NECAB3: variants seen among roughly 807,000 people sequenced by gnomAD.
NECAB3 encodes the protein N-terminal EF-hand calcium binding protein 3.
NECAB3 carries 38 observed loss-of-function variants against 57.2 expected under a neutral mutation model. The observed-to-expected ratio is 0.66, with a 90% CI of 0.51 to 0.87. The LOEUF is 0.87. NECAB3 is among the 40% of genes least tolerant of loss of function. The probability of loss-of-function intolerance (pLI) is 0.00; values close to 1 mark genes in which losing one functional copy is unlikely to be tolerated. For missense variants in NECAB3, 474 were observed against 527.5 expected (o/e 0.90, Z 0.99); for synonymous variants, 223 against 222.6 (o/e 1.00, Z -0.02).
At chr20:33,666,340 A>C (rs2017651860) in intron 5 of NECAB3, among the ~76,000 whole-genome samples, 1 of 152,236 alleles carries the variant, frequency 6.6e-6, no homozygotes, top group South Asian at 2.1e-4. Flanking sequence ...CCTGGATGCC[A>C]AAATCACTGC....
Position 33,660,367 on chromosome 20 carries a change from T to A in NECAB3, c.416A>T (p.Gln139Leu). The A allele has an allele frequency of 6.2e-7, 1 of 1,613,690 alleles. No homozygotes were observed. Among genetic ancestry groups the A allele is most frequent in the Non-Finnish European group, 8.5e-7 (1 of 1,179,976 alleles). Residue 139 changes from glutamine to leucine, a missense_variant, in exon 6 of 12, where the codon CAG (glutamine) becomes CTG (leucine). Transcript: ENST00000246190. This position sits in a 1 kb window ranked among gnomAD's most constrained non-coding sequence, Gnocchi z 4.1. Reference protein sequence around the residue: ...LEYERASKVDQFVTRFLLRET... With the variant: ...LEYERASKVDLFVTRFLLRET... ...CCGCAGCAGGAAGCGCGTCACAAAC[T>A]GGTCCACTTTGGAGGCCCTCTCGTA...
rs1289574420 is a variant in NECAB3 at position 33,669,685 on chromosome 20, A to C, written c.289+2T>G. On this transcript the variant is annotated splice_donor_variant, in intron 4 of 11. Transcript: ENST00000246190. LOFTEE classifies it high-confidence loss of function. Reference sequence around the variant, plus strand: ...GAAAAGAGCTCCCATGGGCCTACTCACCACACAGTTTTTCTGTTTCTAAAT... The same window carrying C: ...GAAAAGAGCTCCCATGGGCCTACTCCCCACACAGTTTTTCTGTTTCTAAAT... 2 of 1,595,600 alleles carry C rather than the reference A, an allele frequency of 1.3e-6. No individual in the cohort carries two copies. The highest frequency in any genetic ancestry group is 1.3e-5 in the African/African-American group (1 of 74,544).
upstream of NECAB3, chr20:33,674,457 C>T: frequency 5.2e-6 from 5 of 959,854 alleles, no homozygotes; most frequent in Non-Finnish European, 6.3e-6. Flanking sequence ...CGCCGACGCG[C>T]GGGCTCAGGC....
chr20:33,662,191 C>A, intron 5 of NECAB3: 1 of 972,238 alleles, frequency 1.0e-6, no homozygotes, highest in Non-Finnish European at 1.5e-6. Flanking sequence ...CTAGAAGTGA[C>A]TGAGTGGAGC....
chr20:33,674,513 A>G, upstream of NECAB3: 1 of 640,628 alleles, frequency 1.6e-6, no homozygotes, highest in Non-Finnish European at 2.0e-6. Context: ...CCTCGCCTCA[A>G]GGTCCAACTC....
intron 5 of NECAB3, chr20:33,663,630 G>A (rs778841612): frequency 1.3e-5 from 21 of 1,608,384 alleles, no homozygotes; most frequent in Admixed American, 5.0e-5. Context: ...TGGGCTCCCC[G>A]GCGGCACCCA....
At chr20:33,664,981 G>T (rs998682340) in intron 5 of NECAB3, 3 of 152,230 alleles carry the variant, frequency 2.0e-5, no homozygotes, top group Admixed American at 1.3e-4. Context: ...CCTGCTAATT[G>T]TGAGAACTGA....
In NECAB3 at chr20:33,657,949, G is replaced by A; in HGVS notation, c.1155C>T (p.Phe385=). 6.4e-7 allele frequency: 1 copy of A among 1,556,798 alleles called. No individual in the cohort carries two copies. ...TGGGGGTCCACCGCATACCTGGGAA[G>A]AACACAGTGGTGAGGGTGTCCGGGG... ...LRAPDTLTTV[F]FPASWWIMNN... The change falls in exon 11 of 12, where the codon TTC becomes TTT. Residue 385 remains phenylalanine (F), a synonymous_variant. Transcript: ENST00000246190.
chr20:33,669,919 C>A (rs924410496), intron 3 of NECAB3, among the ~76,000 whole-genome samples: 2 of 152,168 alleles, frequency 1.3e-5, no homozygotes, highest in Non-Finnish European at 2.9e-5. Context: ...ACTCTAAGGG[C>A]AAAGATTCAG....
rs915519687 is a variant in NECAB3, at chr20:33,663,348, G to T, written c.388-2953C>A. ...TCCGGGGCGCCACGCAGGGAAGGGCGGGCTTCCCCGCGGCCTGAATTGGAC... is the reference window on the plus strand; with the variant it reads ...TCCGGGGCGCCACGCAGGGAAGGGCTGGCTTCCCCGCGGCCTGAATTGGAC... On this transcript the variant is annotated intron_variant, in intron 5 of 11. Coordinates refer to ENST00000246190, the MANE Select transcript of NECAB3 (RefSeq NM_031232.4). The T allele has an allele frequency of 6.5e-6, 4 of 612,756 alleles. No individual in the cohort carries two copies. The East Asian group carries it at 1.3e-4, about 20-fold the overall frequency. 38.0% of individuals were successfully genotyped at this position (612,756 alleles called of 1,614,324 possible).
rs2017804668 is a variant in NECAB3 at position 33,670,392 on chromosome 20, G to T, written c.263+292C>A. 8.2e-6 allele frequency: 3 copies of T among 366,832 alleles called. No individual in the cohort carries two copies. The South Asian group carries it at 1.5e-4, about 19-fold the overall frequency. The allele number at this position is 366,832 out of a possible 1,614,324, so 22.7% of individuals were successfully genotyped here. A position where few individuals can be genotyped will look rare whatever the true frequency, so the allele number is the denominator to read the frequency against. ...GCATTCTCGGGTGGAAGCAGGCGGG[G>T]CCCAGCTGTCCCCAGGCATCCTCTG... On this transcript the variant is annotated intron_variant, in intron 3 of 11. Transcript: ENST00000246190.
Position 33,658,182 on chromosome 20 carries a change from G to GCACT in NECAB3, c.1071-153_1071-150dup, listed in dbSNP as rs945857242. On this transcript the variant is annotated intron_variant, in intron 10 of 11. Transcript: ENST00000246190. ...GGAAGCTGTGTGGGTGGAATGAAGG[G>GCACT]CACTGCACACGGTGCTTGGCATAGG... 4.2e-5 allele frequency: 30 copies of GCACT among 721,838 alleles called. No individual in the cohort carries two copies. The African/African-American group carries it at 5.1e-4, about 12-fold the overall frequency. The allele number at this position is 721,838 out of a possible 1,614,324, so 44.7% of individuals were successfully genotyped here. A position where few individuals can be genotyped will look rare whatever the true frequency, so the allele number is the denominator to read the frequency against.
At chr20:33,674,073 A>T in intron 1 of NECAB3, 151 bp downstream of exon 1, 2 of 827,056 alleles carry the variant, frequency 2.4e-6, no homozygotes, top group Non-Finnish European at 3.2e-6. Flanking sequence ...AGAACAGGTC[A>T]CACAAGGGCA....
At chr20:33,667,771 G>A (rs773378379) in intron 5 of NECAB3, 5 of 1,612,420 alleles carry the variant, frequency 3.1e-6, no homozygotes, top group South Asian at 1.1e-5. Flanking sequence ...CCTGGACTTC[G>A]AGGGCGACCT....
rs768127809 is a variant in NECAB3, at chr20:33,659,729, C to T, written c.647G>A (p.Arg216His). The change falls in exon 8 of 12, where the codon CGC becomes CAC. Residue 216 changes from arginine to histidine, a missense_variant. By Grantham distance (29) the Arg-to-His change is conservative. Transcript: ENST00000246190. Reference sequence around the variant, plus strand: ...CCACTGCATCTCGGCCTCTGAGCTGCGCCCTGTGTGTGGGGCCCGTGCAGG... The same window carrying T: ...CCACTGCATCTCGGCCTCTGAGCTGTGCCCTGTGTGTGGGGCCCGTGCAGG... ...TWSPGSSDTG[R>H]SSEAEMQWRL... is the part of the protein sequence containing the mutation. The T allele has an allele frequency of 4.4e-6, 7 of 1,594,740 alleles. No homozygotes were observed. Among genetic ancestry groups the T allele is most frequent in the East Asian group, 2.3e-5 (1 of 44,102 alleles).
rs375925742 is a variant in NECAB3 at position 33,667,502 on chromosome 20, C to G, written c.387+1873G>C. The G allele has an allele frequency of 1.6e-5, 24 of 1,514,758 alleles. No individual in the cohort carries two copies. In the African/African-American group the frequency reaches 2.9e-4, roughly 18 times the overall value. 93.8% of individuals were successfully genotyped at this position (1,514,758 alleles called of 1,614,324 possible). ...CTGGCAGTGCCCGCGTGCCACATGGCTAGCACCGCGTTGCTGGCGCTCTGC... is the reference window on the plus strand; with the variant it reads ...CTGGCAGTGCCCGCGTGCCACATGGGTAGCACCGCGTTGCTGGCGCTCTGC... On this transcript the variant is annotated intron_variant, in intron 5 of 11. Transcript: ENST00000246190.
At chr20:33,667,685 C>T (rs963510783) in intron 5 of NECAB3, 2 of 1,611,740 alleles carry the variant, frequency 1.2e-6, no homozygotes, top group South Asian at 1.1e-5. Flanking sequence ...CTGGTGGCGG[C>T]GAACCCTGAC....
intron 5 of NECAB3, among the ~76,000 whole-genome samples, chr20:33,668,739 G>T (rs1160841783): frequency 6.6e-6 from 1 of 152,194 alleles, no homozygotes; most frequent in Non-Finnish European, 1.5e-5. Flanking sequence ...CACAATCCCG[G>T]GCCTGCTCAC....
intron 5 of NECAB3, chr20:33,663,979 G>A: frequency 3.2e-6 from 3 of 944,716 alleles, no homozygotes; most frequent in South Asian, 2.1e-5. Flanking sequence ...CAGCCTAGGA[G>A]CCGCAGAGGG....
Sources: allele counts gnomAD v4.1 joint callset (sites outside exome capture counted in the v4.1 genomes callset), GRCh38; gene constraint gnomAD v4.1.1; non-coding constraint Gnocchi (gnomAD v3.1); transcripts MANE v1.5; gene names NCBI Gene and HGNC (gene_info 2026-07-23, HGNC 2026-07-21).